The following DPF3 variants were observed in gnomAD, a reference collection of about 807,000 sequenced individuals.
The protein encoded by DPF3 is zinc finger protein DPF3.
A neutral mutation model predicts 56.8 loss-of-function variants in DPF3; 18 were observed. The ratio of observed to expected loss-of-function variants is 0.32; its 90% CI spans 0.22 to 0.47. The LOEUF (loss-of-function observed/expected upper bound fraction) is 0.47, where lower values mean the gene tolerates loss of function less well. Among genes scored for constraint, DPF3 ranks in the 20% least tolerant of loss-of-function variants. The probability of loss-of-function intolerance (pLI) is 1.00; values close to 1 mark genes in which losing one functional copy is unlikely to be tolerated. For synonymous variants in DPF3, 188 were observed against 180.2 expected (o/e 1.04, Z -0.35); for missense variants, 403 against 488.8 (o/e 0.82, Z 1.65).
At chr14:72,887,058 G>T (rs540483393) in intron 1 of DPF3, among the ~76,000 whole-genome samples, 2 of 151,912 alleles carry the variant, frequency 1.3e-5, no homozygotes, top group East Asian at 3.9e-4. Context: ...AATTGGGATA[G>T]GTGCCATGGT....
chr14:72,878,739 T>G (rs978829006), intron 1 of DPF3, among the ~76,000 whole-genome samples: 1 of 152,190 alleles, frequency 6.6e-6, no homozygotes. Context: ...AGCAAAAAGG[T>G]TTGTCTTTAT....
chr14:72,733,499 C>G (rs1216862832), intron 3 of DPF3, among the ~76,000 whole-genome samples: 4 of 152,026 alleles, frequency 2.6e-5, no homozygotes, highest in African/African-American at 9.7e-5. Flanking sequence ...GGAGATAGCA[C>G]CATTAGCAGA....
intron 1 of DPF3, among the ~76,000 whole-genome samples, chr14:72,861,002 G>C (rs1025475478): frequency 2.6e-5 from 4 of 151,306 alleles, no homozygotes; most frequent in Admixed American, 1.3e-4. Flanking sequence ...TTTGTAGCCT[G>C]TGCTTTCTTA....
chr14:72,651,669 C>T lies in DPF3; in HGVS notation c.872-21933G>A, dbSNP rs571119149. On this transcript the variant is annotated intron_variant, in intron 8 of 10. Coordinates refer to ENST00000556509, the MANE Select transcript of DPF3 (RefSeq NM_001280542.3). ...AGGTGGAATCTCCTTTGAAGTAGTACAACCAAATGATGTCTGTAGCCTTAA... is the reference window on the plus strand; with the variant it reads ...AGGTGGAATCTCCTTTGAAGTAGTATAACCAAATGATGTCTGTAGCCTTAA... Among the ~76,000 whole-genome samples the T allele has an allele frequency of 1.6e-4, 25 of 151,838 alleles. 1 individual carries two copies. The highest frequency in any genetic ancestry group is 5.6e-4 in the African/African-American group (23 of 41,374).
chr14:72,742,321 C>T (rs1275379345), intron 3 of DPF3: 1 of 152,326 alleles, frequency 6.6e-6, no homozygotes, highest in African/African-American at 2.4e-5. Flanking sequence ...ACCCCCACCG[C>T]CCAGAGACAG....
At chr14:72,875,287 G>A (rs928095452) in intron 1 of DPF3, among the ~76,000 whole-genome samples, 1 of 152,104 alleles carries the variant, frequency 6.6e-6, no homozygotes. Flanking sequence ...CACACCTGTG[G>A]TCCCAGCCAC....
chr14:72,814,079 C>CT (rs548283833), intron 1 of DPF3, among the ~76,000 whole-genome samples: 4 of 152,166 alleles, frequency 2.6e-5, no homozygotes, highest in South Asian at 4.1e-4. Context: ...AGCAGGGCCA[C>CT]TTTTTTTAAA....
chr14:72,827,080 C>T (rs754458722), intron 1 of DPF3, among the ~76,000 whole-genome samples: 4 of 150,632 alleles, frequency 2.7e-5, no homozygotes, highest in Non-Finnish European at 4.4e-5. Context: ...AGATATCAAT[C>T]GTAAAAGTTA....
At chr14:72,774,215 G>A (rs1208618594) in intron 1 of DPF3, among the ~76,000 whole-genome samples, 2 of 142,478 alleles carry the variant, frequency 1.4e-5, no homozygotes, top group Non-Finnish European at 1.5e-5. Flanking sequence ...GGTGAGTTGG[G>A]ATTGTGCCAC....
At chr14:72,777,689 T>G (rs1891799977) in intron 1 of DPF3, among the ~76,000 whole-genome samples, 1 of 152,092 alleles carries the variant, frequency 6.6e-6, no homozygotes, top group African/African-American at 2.4e-5. Context: ...GCAAGTGAGT[T>G]CTTGCAAGAT....
chr14:72,673,644 G>T (rs566547478), intron 8 of DPF3, among the ~76,000 whole-genome samples: 5 of 152,318 alleles, frequency 3.3e-5, no homozygotes, highest in African/African-American at 1.2e-4. Flanking sequence ...CAAATCAACT[G>T]CAGATTAGCC....
intron 3 of DPF3, among the ~76,000 whole-genome samples, chr14:72,747,356 G>A (rs1890367457): frequency 6.6e-6 from 1 of 152,194 alleles, no homozygotes; most frequent in Non-Finnish European, 1.5e-5. Context: ...ACCCCAGCCA[G>A]CTAATCTGTC....
intron 8 of DPF3, chr14:72,671,493 G>A (rs777908784): frequency 8.4e-6 from 9 of 1,075,886 alleles, no homozygotes; most frequent in African/African-American, 4.6e-5. Context: ...TGGTGACGGG[G>A]ATTTGGGACA....
At chr14:72,733,067 G>C (rs1019445635) in intron 3 of DPF3, among the ~76,000 whole-genome samples, 83 of 152,162 alleles carry the variant, frequency 5.5e-4, no homozygotes, top group Admixed American at 4.8e-3. Flanking sequence ...AAAGCACTGG[G>C]GTTATAGGCA....
chr14:72,765,088 G>A (rs1269142999), intron 2 of DPF3, among the ~76,000 whole-genome samples: 1 of 152,198 alleles, frequency 6.6e-6, no homozygotes, highest in Non-Finnish European at 1.5e-5. Flanking sequence ...TTGAGTAAAA[G>A]TATAGAGAAT....
chr14:72,705,041 G>A (rs549023888), intron 6 of DPF3, among the ~76,000 whole-genome samples: 7 of 152,086 alleles, frequency 4.6e-5, no homozygotes, highest in Non-Finnish European at 7.4e-5. Flanking sequence ...GACCATGCAG[G>A]CCAACCTCTA....
chr14:72,659,386 G>A (rs770451048), intron 8 of DPF3, among the ~76,000 whole-genome samples: 5 of 152,114 alleles, frequency 3.3e-5, no homozygotes, highest in Non-Finnish European at 5.9e-5. Context: ...ACCATCTATA[G>A]ACAGAAAGCA....
intron 1 of DPF3, among the ~76,000 whole-genome samples, chr14:72,802,343 G>A (rs73302188): frequency 0.052 from 7,967 of 152,202 alleles, 529 homozygotes; most frequent in African/African-American, 0.15. Flanking sequence ...GAAGCCCATC[G>A]CTAAGTGTTT....
At chr14:72,828,667 G>C (rs1283786627) in intron 1 of DPF3, among the ~76,000 whole-genome samples, 1 of 152,110 alleles carries the variant, frequency 6.6e-6, no homozygotes, top group Non-Finnish European at 1.5e-5. Flanking sequence ...ATGGGGTGAG[G>C]AGCAATGAAG....
Sources: allele counts gnomAD v4.1 joint callset (sites outside exome capture counted in the v4.1 genomes callset), GRCh38; gene constraint gnomAD v4.1.1; transcripts MANE v1.5; gene names NCBI Gene and HGNC (gene_info 2026-07-23, HGNC 2026-07-21).